The following CCDC149 variants were observed in gnomAD, a reference collection of about 807,000 sequenced individuals.
CCDC149 encodes the protein coiled-coil domain-containing protein 149.
Under a neutral mutation model 59.9 loss-of-function variants are expected in CCDC149, and 45 were observed. The ratio of observed to expected loss-of-function variants is 0.75; its 90% CI spans 0.59 to 0.96. The LOEUF (loss-of-function observed/expected upper bound fraction) is 0.96, where lower values mean the gene tolerates loss of function less well. CCDC149 is among the 40% of genes least tolerant of loss of function. The pLI is 0.00. For missense variants in CCDC149, 584 were observed against 664.7 expected, an observed-to-expected ratio of 0.88 and a Z score of 1.33; for synonymous variants, 245 against 260.6, an observed-to-expected ratio of 0.94 and a Z score of 0.58.
Position 24,902,681 on chromosome 4 carries a change from T to C in CCDC149, c.63+10136A>G, listed in dbSNP as rs16876364. On this transcript the variant is annotated intron_variant, in intron 1 of 12. Coordinates refer to ENST00000635206, the MANE Select transcript of CCDC149 (RefSeq NM_001330643.2). The stretch of plus-strand genomic sequence containing the variant: ...CTACATTAGTGTCTAAGATCTATTG[T>C]TCGCTATTGTGCATGGTGTTTTCAT... 3.7e-3 allele frequency among the ~76,000 whole-genome samples: 571 copies of C among 152,288 alleles called. 2 individuals carry two copies. The highest frequency in any genetic ancestry group is 0.013 in the African/African-American group (547 of 41,562).
intron 1 of CCDC149, among the ~76,000 whole-genome samples, chr4:24,940,418 C>T (rs1266480082): frequency 6.6e-6 from 1 of 152,306 alleles, no homozygotes; most frequent in Non-Finnish European, 1.5e-5. Context: ...AAAGGAACAA[C>T]TGGTACCAGC....
chr4:24,955,221 A>T (rs1723433133), intron 1 of CCDC149, among the ~76,000 whole-genome samples: 1 of 152,212 alleles, frequency 6.6e-6, no homozygotes, highest in African/African-American at 2.4e-5. Flanking sequence ...TTCTCACTGC[A>T]TCCTTCCAGA....
rs565963905 is a variant in CCDC149, at chr4:24,910,013, C to T, written c.63+2804G>A. On this transcript the variant is annotated intron_variant, in intron 1 of 12. Coordinates refer to ENST00000635206, the MANE Select transcript of CCDC149 (RefSeq NM_001330643.2). Reference sequence around the variant, plus strand: ...CATTGCTGTAACAAATGATCATAAACGGGGTGGCTTAAAACAACAGGAGTG... The same window carrying T: ...CATTGCTGTAACAAATGATCATAAATGGGGTGGCTTAAAACAACAGGAGTG... Among the ~76,000 whole-genome samples the T allele has an allele frequency of 9.2e-5, 14 of 152,256 alleles. No individual in the cohort carries two copies. In the East Asian group the frequency reaches 9.7e-4, roughly 11 times the overall value.
At chr4:24,831,058 G>C (rs1716113122) in intron 9 of CCDC149, 1 of 154,532 alleles carries the variant, frequency 6.5e-6, no homozygotes, top group African/African-American at 2.4e-5. Context: ...ATCTGGAAGA[G>C]TGACATGAGA....
At chr4:24,854,074 T>C (rs1317850810) in intron 3 of CCDC149, among the ~76,000 whole-genome samples, 1 of 152,132 alleles carries the variant, frequency 6.6e-6, no homozygotes, top group Non-Finnish European at 1.5e-5. Flanking sequence ...TCTCACAGCC[T>C]CATGGTCCCT....
At chr4:24,921,960 C>G (rs1485004932) in intron 1 of CCDC149, among the ~76,000 whole-genome samples, 1 of 152,164 alleles carries the variant, frequency 6.6e-6, no homozygotes, top group East Asian at 1.9e-4. Context: ...GTTCTGGAGA[C>G]TAGAAATCTG....
chr4:24,828,314 T>C (rs909443916), intron 9 of CCDC149: 2 of 151,466 alleles, frequency 1.3e-5, no homozygotes, highest in African/African-American at 4.9e-5. Flanking sequence ...TGTAAATATA[T>C]GAGTATGTGT....
At chr4:24,864,358 G>A (rs1198796365) in intron 3 of CCDC149, among the ~76,000 whole-genome samples, 1 of 152,102 alleles carries the variant, frequency 6.6e-6, no homozygotes, top group African/African-American at 2.4e-5. Flanking sequence ...ACTAAGATTG[G>A]CCTTTTGAGA....
chr4:24,932,198 C>T (rs1722616322), intron 1 of CCDC149, among the ~76,000 whole-genome samples: 1 of 152,050 alleles, frequency 6.6e-6, no homozygotes, highest in South Asian at 2.1e-4. Flanking sequence ...GTCATAATGC[C>T]AAGTACAGTT....
intron 3 of CCDC149, among the ~76,000 whole-genome samples, chr4:24,856,467 C>T (rs1308005907): frequency 6.6e-6 from 1 of 152,190 alleles, no homozygotes; most frequent in East Asian, 1.9e-4. Context: ...GAAGAAAGGG[C>T]CGCAGAAGGT....
intron 1 of CCDC149, among the ~76,000 whole-genome samples, chr4:24,962,127 A>C (rs1374192446): frequency 6.6e-6 from 1 of 152,038 alleles, no homozygotes. Flanking sequence ...AAAAACAAAC[A>C]ACCCCATCAA....
At chr4:24,977,319 A>G (rs1414025465) in intron 1 of CCDC149, among the ~76,000 whole-genome samples, 3 of 152,086 alleles carry the variant, frequency 2.0e-5, no homozygotes, top group Non-Finnish European at 4.4e-5. Context: ...TTGTGTGGAG[A>G]TGCTGCCTAA....
At chr4:24,936,380 A>G (rs1355377714) in intron 1 of CCDC149, among the ~76,000 whole-genome samples, 1 of 151,986 alleles carries the variant, frequency 6.6e-6, no homozygotes, top group African/African-American at 2.4e-5. Context: ...TGTTCTAGGG[A>G]AAATCAGGAT....
Position 24,895,021 on chromosome 4 carries a change from T to C in CCDC149, c.63+17796A>G. The C allele has an allele frequency of 1.3e-6, 2 of 1,504,476 alleles. No homozygotes were observed. Among genetic ancestry groups the C allele is most frequent in the East Asian group, 2.5e-5 (1 of 40,112 alleles). The allele number at this position is 1,504,476 out of a possible 1,614,324, so 93.2% of individuals were successfully genotyped here. A position where few individuals can be genotyped will look rare whatever the true frequency, so the allele number is the denominator to read the frequency against. Reference sequence around the variant, plus strand: ...GAATCCCAAGTGGCCGCTCTGGCGATGATGATGATGATGACGACGACGATG... The same window carrying C: ...GAATCCCAAGTGGCCGCTCTGGCGACGATGATGATGATGACGACGACGATG... On this transcript the variant is annotated intron_variant, in intron 1 of 12. Transcript: ENST00000635206.
At chr4:24,804,113 C>T (rs183264333), downstream of CCDC149, among the ~76,000 whole-genome samples, 2 of 152,194 alleles carry the variant, frequency 1.3e-5, no homozygotes, top group African/African-American at 2.4e-5. Flanking sequence ...CTGAAGGGAC[C>T]CTCACTATTG....
At chr4:24,819,552 C>A (rs1715231709) in intron 12 of CCDC149, among the ~76,000 whole-genome samples, 1 of 152,112 alleles carries the variant, frequency 6.6e-6, no homozygotes, top group Non-Finnish European at 1.5e-5. Context: ...AACTCCTGAG[C>A]TCAGGTGAAA....
chr4:24,849,018 A>G (rs922213650), intron 4 of CCDC149, among the ~76,000 whole-genome samples: 1 of 152,106 alleles, frequency 6.6e-6, no homozygotes, highest in Non-Finnish European at 1.5e-5. Context: ...TGTCTTTGTG[A>G]TTCCAATGTC....
chr4:24,881,920 T>C (rs187876300), intron 1 of CCDC149, among the ~76,000 whole-genome samples: 1 of 152,296 alleles, frequency 6.6e-6, no homozygotes, highest in Admixed American at 6.5e-5. Context: ...AAGCCAGAAT[T>C]GGAACCCAGC....
intron 1 of CCDC149, among the ~76,000 whole-genome samples, chr4:24,944,398 G>A (rs1226737578): frequency 3.3e-5 from 5 of 151,796 alleles, no homozygotes; most frequent in Admixed American, 1.3e-4. Context: ...GGGAACTGTT[G>A]TGGGGTGGGG....
Sources: allele counts gnomAD v4.1 joint callset (sites outside exome capture counted in the v4.1 genomes callset), GRCh38; gene constraint gnomAD v4.1.1; transcripts MANE v1.5; gene names NCBI Gene and HGNC (gene_info 2026-07-23, HGNC 2026-07-21).